The following ITFG1 variants were observed in gnomAD, a reference collection of about 807,000 sequenced individuals.
The protein encoded by ITFG1 is integrin alpha FG-GAP repeat containing 1.
In ITFG1, 34 loss-of-function variants were observed where a neutral mutation model predicts 81.8. The observed-to-expected ratio is 0.42, with a 90% CI of 0.32 to 0.55. The LOEUF (loss-of-function observed/expected upper bound fraction) is 0.55. ITFG1 is among the 20% of genes least tolerant of loss of function. The pLI is 0.17. For missense variants in ITFG1, 672 were observed against 755.4 expected (o/e 0.89, Z 1.29); for synonymous variants, 285 against 270.6 (o/e 1.05, Z -0.52).
chr16:47,218,851 A>G lies in ITFG1; in HGVS notation c.1453+17T>C. 1 of 1,487,418 alleles carries G rather than the reference A, an allele frequency of 6.7e-7. No individual in the cohort carries two copies. The highest frequency in any genetic ancestry group is 2.4e-5 in the East Asian group (1 of 42,368). The allele number at this position is 1,487,418 out of a possible 1,614,324, so 92.1% of individuals were successfully genotyped here. ...GAAGAAGCTTTTATACATTATGGAC[A>G]ATGTATCTGGTCTTACCTGATCCAT... On this transcript the variant is annotated intron_variant, in intron 14 of 17. Coordinates refer to ENST00000320640, the MANE Select transcript of ITFG1 (RefSeq NM_030790.5).
At chr16:47,187,933 A>G (rs371633105) in intron 14 of ITFG1, among the ~76,000 whole-genome samples, 10 of 151,876 alleles carry the variant, frequency 6.6e-5, no homozygotes, top group African/African-American at 2.2e-4. Context: ...ACAAACAACC[A>G]CATCAAAAAG....
chr16:47,269,951 A>G (rs1369879191), intron 10 of ITFG1, among the ~76,000 whole-genome samples: 2 of 152,230 alleles, frequency 1.3e-5, no homozygotes, highest in Non-Finnish European at 2.9e-5. Flanking sequence ...AACAGAAAAG[A>G]GAATGAAGAA....
chr16:47,413,152 G>C (rs1280567690), intron 6 of ITFG1, among the ~76,000 whole-genome samples: 1 of 152,210 alleles, frequency 6.6e-6, no homozygotes, highest in Non-Finnish European at 1.5e-5. Context: ...CATCAAGCTA[G>C]CAGTGGACCT....
intron 8 of ITFG1, among the ~76,000 whole-genome samples, chr16:47,328,560 T>C (rs1261649466): frequency 2.6e-5 from 4 of 152,126 alleles, no homozygotes; most frequent in African/African-American, 7.2e-5. Flanking sequence ...ACACATTTCT[T>C]ACACACGGTG....
intron 10 of ITFG1, among the ~76,000 whole-genome samples, chr16:47,305,784 A>G (rs139228789): frequency 2.0e-5 from 3 of 152,336 alleles, no homozygotes; most frequent in African/African-American, 7.2e-5. Flanking sequence ...CAAGTTAGCA[A>G]TTCAGGCTGG....
At chr16:47,324,976 A>C (rs541428922) in intron 8 of ITFG1, among the ~76,000 whole-genome samples, 5 of 152,332 alleles carry the variant, frequency 3.3e-5, no homozygotes, top group African/African-American at 1.2e-4. Context: ...CTCTGCACCA[A>C]GCGGACCTAA....
intron 14 of ITFG1, among the ~76,000 whole-genome samples, chr16:47,176,355 T>A (rs1468694699): frequency 6.6e-6 from 1 of 152,150 alleles, no homozygotes; most frequent in Admixed American, 6.5e-5. Context: ...GAGAATCAGA[T>A]AAAAGACAAT....
intron 10 of ITFG1, among the ~76,000 whole-genome samples, chr16:47,294,726 C>T (rs1463934553): frequency 6.6e-6 from 1 of 151,978 alleles, no homozygotes; most frequent in African/African-American, 2.4e-5. Flanking sequence ...TGTAACTATA[C>T]TAGATTTGTT....
At chr16:47,220,899 A>T (rs914471018) in intron 13 of ITFG1, among the ~76,000 whole-genome samples, 1 of 152,220 alleles carries the variant, frequency 6.6e-6, no homozygotes, top group Non-Finnish European at 1.5e-5. Context: ...AGAACTTTGC[A>T]AGAATCCAAG....
intron 6 of ITFG1, among the ~76,000 whole-genome samples, chr16:47,386,436 G>A (rs1968463235): frequency 6.6e-6 from 1 of 152,096 alleles, no homozygotes. Flanking sequence ...TGCGGGGCAG[G>A]CCACCATTTC....
chr16:47,416,639 T>C (rs1276353376), intron 6 of ITFG1, among the ~76,000 whole-genome samples: 1 of 152,148 alleles, frequency 6.6e-6, no homozygotes, highest in African/African-American at 2.4e-5. Context: ...CAAGAGCTGA[T>C]TGTTTAAAGG....
chr16:47,451,598 GTA>G, intron 4 of ITFG1, 128 bp from the exon 5 acceptor site: 1 of 577,900 alleles, frequency 1.7e-6, no homozygotes. Context: ...CTAGTGATAA[GTA>G]TTAAGTCAAA....
Position 47,258,807 on chromosome 16 carries a change from A to C in ITFG1, c.1222-67T>G. 3 of 634,754 alleles carry C rather than the reference A, an allele frequency of 4.7e-6. No individual in the cohort carries two copies. In the South Asian group the frequency reaches 6.6e-5, roughly 14 times the overall value. The allele number at this position is 634,754 out of a possible 1,614,324, so 39.3% of individuals were successfully genotyped here. A position where few individuals can be genotyped will look rare whatever the true frequency, so the allele number is the denominator to read the frequency against. On this transcript the variant is annotated intron_variant, in intron 11 of 17. Transcript: ENST00000320640. ...ACCAACTAAAAAAAAAATGACCATT[A>C]AAATGCATGGCATATTGTTTATAAA...
intron 14 of ITFG1, among the ~76,000 whole-genome samples, chr16:47,191,174 CT>C (rs1207092862): frequency 2.0e-5 from 3 of 152,064 alleles, no homozygotes; most frequent in Non-Finnish European, 4.4e-5. Context: ...CTGTATTTTT[CT>C]TTTTTCTCCT....
At chr16:47,224,531 C>T (rs1965735131) in intron 13 of ITFG1, among the ~76,000 whole-genome samples, 1 of 152,112 alleles carries the variant, frequency 6.6e-6, no homozygotes, top group Non-Finnish European at 1.5e-5. Context: ...GAAGACTTTA[C>T]AGTATTAGTC....
At chr16:47,286,270 A>G (rs1966868931) in intron 10 of ITFG1, among the ~76,000 whole-genome samples, 2 of 152,122 alleles carry the variant, frequency 1.3e-5, no homozygotes, top group Non-Finnish European at 2.9e-5. Context: ...AGAGGCTGGG[A>G]CTTTAACTGC....
intron 14 of ITFG1, among the ~76,000 whole-genome samples, chr16:47,183,523 G>A (rs1443384281): frequency 3.9e-5 from 6 of 152,202 alleles, no homozygotes; most frequent in Admixed American, 3.9e-4. Context: ...CCCAGCAGGG[G>A]CAGACTGACA....
rs758516938 is a variant in ITFG1, at chr16:47,451,465, T to C, written c.491A>G (p.Asn164Ser). The stretch of plus-strand genomic sequence containing the variant: ...AAAAATATCAGGAATTAGATCACCA[T>C]TGAAACTGAAAAAAAATTAAAACAA... ...FQDEPLIMDF[N>S]GDLIPDIFGI... is the part of the protein sequence containing the mutation. The change falls in exon 5 of 18, where the codon AAT (asparagine) becomes AGT (serine). Residue 164 changes from asparagine to serine, a missense_variant. By Grantham distance (46) the Asn-to-Ser change is conservative. Around this residue, in one of 3 missense-constraint regions of ITFG1, gnomAD observed 560 missense variants for 625.7 expected, o/e 0.90. Coordinates refer to ENST00000320640, the MANE Select transcript of ITFG1 (RefSeq NM_030790.5). The C allele has an allele frequency of 9.1e-6, 14 of 1,537,994 alleles. No homozygotes were observed. The South Asian group carries it at 1.0e-4, about 11-fold the overall frequency.
intron 2 of ITFG1, 104 bp downstream of exon 2, chr16:47,458,999 A>T (rs1484150060): frequency 2.9e-6 from 2 of 700,420 alleles, no homozygotes; most frequent in Non-Finnish European, 4.9e-6. Context: ...GTGGTTTTGC[A>T]TCCCAACACT....
Sources: gnomAD v4.1 joint callset for allele counts (sites outside exome capture counted in the v4.1 genomes callset) on GRCh38, gnomAD v4.1.1 for gene constraint, gnomAD v4.1.1 regional missense constraint, MANE v1.5 for transcripts, NCBI Gene and HGNC (gene_info 2026-07-23, HGNC 2026-07-21) for gene names.